Variants in ADGRV1 observed in about 807,000 individuals in gnomAD.
ADGRV1 encodes the protein G-protein coupled receptor 98.
Under a neutral mutation model 596.2 loss-of-function variants are expected in ADGRV1, and 359 were observed. The observed-to-expected ratio is 0.60, with a 90% confidence interval of 0.55 to 0.66. The LOEUF (loss-of-function observed/expected upper bound fraction) is 0.66. Ranked by LOEUF, ADGRV1 falls within the 30% of genes least tolerant of loss-of-function variation. ADGRV1 has a pLI of 0.00. For synonymous variants in ADGRV1, 2,681 were observed against 2,679.2 expected, an observed-to-expected ratio of 1.00 and a Z score of -0.02; for missense variants, 7,274 against 7,575.6, an observed-to-expected ratio of 0.96 and a Z score of 1.48.
rs557964807 is a variant in ADGRV1, at chr5:90,631,663, G to A, written c.1839+2124G>A. Among the ~76,000 whole-genome samples the A allele has an allele frequency of 1.9e-4, 29 of 152,248 alleles. 1 individual carries two copies. The highest frequency in any genetic ancestry group is 1.4e-3 in the East Asian group (7 of 5,166). ...GGACCCTTGGATTTTTCTTGGAGTGGAAAGATAGGGAACACGGCTCTATTC... is the reference window on the plus strand; with the variant it reads ...GGACCCTTGGATTTTTCTTGGAGTGAAAAGATAGGGAACACGGCTCTATTC... On this transcript the variant is annotated intron_variant, in intron 9 of 89. Transcript: ENST00000405460.
intron 85 of ADGRV1, among the ~76,000 whole-genome samples, chr5:91,002,820 C>T (rs1222833444): frequency 1.3e-5 from 2 of 152,026 alleles, no homozygotes; most frequent in African/African-American, 4.8e-5. Flanking sequence ...AATATAGAGC[C>T]TAATTTTAAA....
intron 1 of ADGRV1, among the ~76,000 whole-genome samples, chr5:90,568,018 A>G (rs7726094): frequency 0.067 from 10,213 of 152,180 alleles, 1,025 homozygotes; most frequent in African/African-American, 0.23. Context: ...GATTACAGGC[A>G]TGAGCCACCA....
intron 83 of ADGRV1, among the ~76,000 whole-genome samples, chr5:90,864,636 C>A (rs990391070): frequency 6.6e-6 from 1 of 151,944 alleles, no homozygotes; most frequent in African/African-American, 2.4e-5. Flanking sequence ...AGTGAAAATT[C>A]AGTTTGTTGT....
chr5:90,706,929 C>T (rs535620680), intron 38 of ADGRV1, among the ~76,000 whole-genome samples: 3 of 151,830 alleles, frequency 2.0e-5, no homozygotes, highest in Admixed American at 2.0e-4. Flanking sequence ...GATAGACAGG[C>T]CTGCTGTTAT....
At chr5:90,834,519 C>T (rs530750500) in intron 77 of ADGRV1, among the ~76,000 whole-genome samples, 1 of 152,196 alleles carries the variant, frequency 6.6e-6, no homozygotes, top group South Asian at 2.1e-4. Flanking sequence ...TATGGGAGCT[C>T]CACTCTATGT....
intron 75 of ADGRV1, among the ~76,000 whole-genome samples, chr5:90,822,396 G>T (rs1763644005): frequency 6.6e-6 from 1 of 152,178 alleles, no homozygotes; most frequent in Non-Finnish European, 1.5e-5. Context: ...CACGCTGGGA[G>T]CTGTAGACCG....
chr5:90,867,595 G>A (rs1488473231), intron 83 of ADGRV1, among the ~76,000 whole-genome samples: 3 of 152,166 alleles, frequency 2.0e-5, no homozygotes, highest in Non-Finnish European at 4.4e-5. Context: ...GAATCTTTGT[G>A]CATGACTAAA....
At chr5:90,592,842 A>C (rs1759703625) in intron 1 of ADGRV1, among the ~76,000 whole-genome samples, 1 of 152,258 alleles carries the variant, frequency 6.6e-6, no homozygotes, top group African/African-American at 2.4e-5. Flanking sequence ...CAGACACATG[A>C]AAAAATGCTC....
At position 90,826,347 on chromosome 5, in the gene ADGRV1, T is replaced by C. The variant is rs6869135; in HGVS notation, c.16369-2597T>C. ...TAAGCACCATCTTCTTCATTTTTTG[T>C]CAAAGGAAAGACATCAGTTACACTG... On this transcript the variant is annotated intron_variant, in intron 76 of 89. Coordinates refer to ENST00000405460, the MANE Select transcript of ADGRV1 (RefSeq NM_032119.4). 5.2e-3 allele frequency among the ~76,000 whole-genome samples: 790 copies of C among 152,346 alleles called. 7 individuals are homozygous for C. Among genetic ancestry groups the C allele is most frequent in the African/African-American group, 0.017 (688 of 41,574 alleles).
chr5:90,917,879 T>C (rs1220319291), intron 83 of ADGRV1, among the ~76,000 whole-genome samples: 1 of 152,150 alleles, frequency 6.6e-6, no homozygotes, highest in East Asian at 1.9e-4. Context: ...ATCACCACTA[T>C]CATTTTTTTT....
At chr5:90,995,912 G>T (rs1374251953) in intron 85 of ADGRV1, among the ~76,000 whole-genome samples, 1 of 152,130 alleles carries the variant, frequency 6.6e-6, no homozygotes. Flanking sequence ...ATGATTTAGG[G>T]TACCTTGCAG....
At chr5:90,774,837 TG>T (rs1425429551) in intron 60 of ADGRV1, among the ~76,000 whole-genome samples, 1 of 152,230 alleles carries the variant, frequency 6.6e-6, no homozygotes, top group Non-Finnish European at 1.5e-5. Flanking sequence ...TAGTGGTTTT[TG>T]ATTACCTATA....
At chr5:90,938,638 C>G (rs1164287674) in intron 83 of ADGRV1, among the ~76,000 whole-genome samples, 1 of 152,152 alleles carries the variant, frequency 6.6e-6, no homozygotes, top group Admixed American at 6.5e-5. Flanking sequence ...TATTATATGC[C>G]AGGCACTGCT....
At chr5:90,820,972 G>T (rs1161954399) in intron 75 of ADGRV1, among the ~76,000 whole-genome samples, 1 of 151,806 alleles carries the variant, frequency 6.6e-6, no homozygotes. Context: ...TGCCTTGCTA[G>T]ATTGGGGAAG....
intron 1 of ADGRV1, among the ~76,000 whole-genome samples, chr5:90,582,714 A>C (rs925182558): frequency 6.6e-6 from 1 of 152,074 alleles, no homozygotes; most frequent in Admixed American, 6.6e-5. Flanking sequence ...ATCAGTGTGC[A>C]CCACCATGCC....
chr5:90,562,478 G>T (rs1754962822), intron 1 of ADGRV1, among the ~76,000 whole-genome samples: 1 of 152,140 alleles, frequency 6.6e-6, no homozygotes, highest in East Asian at 1.9e-4. Flanking sequence ...GGCACAAGCG[G>T]CTGTGGTAAT....
intron 86 of ADGRV1, among the ~76,000 whole-genome samples, chr5:91,094,497 T>C (rs1790681722): frequency 6.7e-6 from 1 of 148,798 alleles, no homozygotes; most frequent in African/African-American, 2.5e-5. Context: ...CTGGCCATAA[T>C]AGGAGTAGGA....
Position 90,617,960 on chromosome 5 carries a change from C to A in ADGRV1, c.357+7C>A. ...TTTTCACTTAACATTACAGGTAAGT[C>A]CGTGTTTCCTCCTTATAAAAATTAT... is the stretch of plus-strand genomic sequence containing the variant. On this transcript the variant is annotated splice_region_variant and intron_variant, in intron 3 of 89. Transcript: ENST00000405460. The A allele has an allele frequency of 6.5e-7, 1 of 1,543,806 alleles. No individual in the cohort carries two copies. The highest frequency in any genetic ancestry group is 1.2e-5 in the South Asian group (1 of 81,202).
chr5:90,595,557 C>T (rs1325975590), intron 1 of ADGRV1, among the ~76,000 whole-genome samples: 26 of 125,434 alleles, frequency 2.1e-4, no homozygotes, highest in African/African-American at 5.7e-4. Context: ...GCTGGCCGGG[C>T]GGGGGGCTGA....
Sources: gnomAD v4.1 joint callset for allele counts (sites outside exome capture counted in the v4.1 genomes callset) on GRCh38, gnomAD v4.1.1 for gene constraint, MANE v1.5 for transcripts, NCBI Gene and HGNC (gene_info 2026-07-23, HGNC 2026-07-21) for gene names.